Variants in PLOD1 observed in about 807,000 individuals in gnomAD.
PLOD1 encodes the protein lysine hydroxylase.
A neutral mutation model predicts 94.7 loss-of-function variants in PLOD1; 70 were observed. The observed-to-expected ratio is 0.74, with a 90% CI of 0.61 to 0.90. The LOEUF (loss-of-function observed/expected upper bound fraction) is 0.90. PLOD1 is among the 40% of genes least tolerant of loss of function. The pLI is 0.00. For missense variants in PLOD1, 905 were observed against 972.7 expected (o/e 0.93, Z 0.93); for synonymous variants, 417 against 400.2 (o/e 1.04, Z -0.50).
At chr1:11,936,493 G>A (rs1343237189) in intron 1 of PLOD1, among the ~76,000 whole-genome samples, 1 of 151,742 alleles carries the variant, frequency 6.6e-6, no homozygotes, top group Non-Finnish European at 1.5e-5. Context: ...CTTTGGGTCA[G>A]GAATGGGAAC....
chr1:11,949,804 A>G lies in PLOD1; in HGVS notation c.200A>G (p.Glu67Gly), dbSNP rs756553633. Reference protein sequence around the residue: ...ALGLGEDWNVEKGTSAGGGQK... With the variant: ...ALGLGEDWNVGKGTSAGGGQK... Reference sequence around the variant, plus strand: ...GGCCTAGGGGAGGACTGGAATGTGGAGAAGGGGACGTCGGCAGGTGGAGGG... The same window carrying G: ...GGCCTAGGGGAGGACTGGAATGTGGGGAAGGGGACGTCGGCAGGTGGAGGG... The change falls in exon 3 of 19, where the codon GAG becomes GGG. Residue 67 changes from glutamate (E) to glycine (G), a missense_variant. Glu to Gly is a moderately conservative substitution (Grantham distance 98). Coordinates refer to ENST00000196061, the MANE Select transcript of PLOD1 (RefSeq NM_000302.4). The G allele has an allele frequency of 4.0e-5, 65 of 1,613,878 alleles. No individual in the cohort carries two copies. Among genetic ancestry groups the G allele is most frequent in the Non-Finnish European group, 4.9e-5 (58 of 1,179,938 alleles).
In PLOD1 at chr1:11,960,646, G is replaced by A. The variant is rs1280562264; in HGVS notation, c.976G>A (p.Glu326Lys). 3 of 1,611,300 alleles carry A rather than the reference G, an allele frequency of 1.9e-6. No individual in the cohort carries two copies. The Admixed American group carries it at 5.0e-5, about 27-fold the overall frequency. Residue 326 changes from glutamate to lysine, a missense_variant and splice_region_variant, in exon 10 of 19, where the codon GAG becomes AAG. Transcript: ENST00000196061. ...TCCCCTTCCCCATCCCCAACCCCAG[G>A]AGCAGCACCACAAGGCTCAGGTGGA... ...KHMRLFIHNH[E>K]QHHKAQVEEF...
At chr1:11,967,615 AAAAAGAAATATATATAGATTTTATT>A (rs1645829611) in intron 16 of PLOD1, among the ~76,000 whole-genome samples, 12 of 103,846 alleles carry the variant, frequency 1.2e-4, no homozygotes, top group South Asian at 7.8e-4. Flanking sequence ...ATATATATAT[AAAAAGAAATATATATAGATTTTATT>A]TATATATATA....
chr1:11,946,568 G>A (rs551805908), intron 1 of PLOD1, among the ~76,000 whole-genome samples: 2 of 152,314 alleles, frequency 1.3e-5, no homozygotes, highest in African/African-American at 4.8e-5. Context: ...GGTATGGAGA[G>A]CAGGGACCTG....
chr1:11,949,945 G>A lies in PLOD1; in HGVS notation c.302+39G>A, dbSNP rs747285387. Reference sequence around the variant, plus strand: ...GGCTTCCTAGCCTGGGCCCCTCCGCGGAAGATAGAAGAATATTCTAAAATG... The same window carrying A: ...GGCTTCCTAGCCTGGGCCCCTCCGCAGAAGATAGAAGAATATTCTAAAATG... On this transcript the variant is annotated intron_variant, in intron 3 of 18. Coordinates refer to ENST00000196061, the MANE Select transcript of PLOD1 (RefSeq NM_000302.4). 6.9e-6 allele frequency: 11 copies of A among 1,604,802 alleles called. No individual in the cohort carries two copies. In the Admixed American group the frequency reaches 1.2e-4, roughly 17 times the overall value.
intron 9 of PLOD1, 30 bp from the exon 10 acceptor site, chr1:11,960,616 C>T: frequency 6.8e-7 from 1 of 1,479,286 alleles, no homozygotes; most frequent in South Asian, 1.1e-5. Context: ...CTCCTCACCC[C>T]CGCATCCCCT....
chr1:11,952,873 C>A, intron 5 of PLOD1, 138 bp downstream of exon 5: 1 of 634,994 alleles, frequency 1.6e-6, no homozygotes, highest in South Asian at 1.7e-5. Context: ...CTGCCATAGG[C>A]TGGGTGGCTC....
rs1175110431 is a variant in PLOD1 at position 11,958,239 on chromosome 1, A to G, written c.844-277A>G. On this transcript the variant is annotated intron_variant, in intron 8 of 18. Coordinates refer to ENST00000196061, the MANE Select transcript of PLOD1 (RefSeq NM_000302.4). This position sits in a 1 kb window ranked among gnomAD's most constrained non-coding sequence, Gnocchi z 4.3. ...TGAACCTCATCCTCATTTATGACTC[A>G]CCTCGAACACCACGCCAGCCACGAT... Among the ~76,000 whole-genome samples, 1 of 151,098 alleles carries G rather than the reference A, an allele frequency of 6.6e-6. No homozygotes were observed. Among genetic ancestry groups the G allele is most frequent in the Non-Finnish European group, 1.5e-5 (1 of 67,876 alleles).
chr1:11,974,876 C>G lies in PLOD1; in HGVS notation c.*68C>G. On this transcript the variant is annotated 3_prime_UTR_variant, in exon 19 of 19. Transcript: ENST00000196061. ...AACCACTGCCCAGCAGCCTCTGGGACCTCGGGGTCCCAGGGAACCCAGTCC... is the reference window on the plus strand; with the variant it reads ...AACCACTGCCCAGCAGCCTCTGGGAGCTCGGGGTCCCAGGGAACCCAGTCC... The G allele has an allele frequency of 6.5e-7, 1 of 1,528,888 alleles. No homozygotes were observed. The highest frequency in any genetic ancestry group is 1.1e-5 in the South Asian group (1 of 89,350). 94.7% of individuals were successfully genotyped at this position (1,528,888 alleles called of 1,614,324 possible).
chr1:11,947,636 T>C (rs968275256), intron 1 of PLOD1, among the ~76,000 whole-genome samples: 1 of 152,198 alleles, frequency 6.6e-6, no homozygotes, highest in East Asian at 1.9e-4. Flanking sequence ...ACCAAGGAGA[T>C]GGCACCAAGC....
intron 1 of PLOD1, among the ~76,000 whole-genome samples, chr1:11,939,359 T>A (rs1227671332): frequency 1.4e-5 from 2 of 148,094 alleles, no homozygotes; most frequent in Non-Finnish European, 3.0e-5. Context: ...GGATGAAGGA[T>A]GGGGGAGGGG....
intron 18 of PLOD1, among the ~76,000 whole-genome samples, chr1:11,973,580 C>CTTTT (rs976516109): frequency 1.1e-4 from 16 of 148,094 alleles, no homozygotes; most frequent in African/African-American, 2.5e-4. Context: ...AGCTATAATC[C>CTTTT]TTTTTTTTTT....
chr1:11,944,827 G>A (rs973700751), intron 1 of PLOD1, among the ~76,000 whole-genome samples: 5 of 152,114 alleles, frequency 3.3e-5, no homozygotes, highest in Non-Finnish European at 7.4e-5. Flanking sequence ...CCCCTGCCCC[G>A]CCAGCTCTGG....
chr1:11,937,128 G>A (rs770620633), intron 1 of PLOD1, among the ~76,000 whole-genome samples: 1 of 152,166 alleles, frequency 6.6e-6, no homozygotes, highest in Non-Finnish European at 1.5e-5. Context: ...GATTACAGGC[G>A]TGAGCCACCG....
intron 13 of PLOD1, among the ~76,000 whole-genome samples, chr1:11,965,101 G>A (rs995748621): frequency 1.3e-5 from 2 of 151,380 alleles, no homozygotes; most frequent in Non-Finnish European, 2.9e-5. Context: ...TGATGTGCCC[G>A]AGAGACACCT....
At chr1:11,942,771 T>G (rs1645623576) in intron 1 of PLOD1, among the ~76,000 whole-genome samples, 1 of 152,096 alleles carries the variant, frequency 6.6e-6, no homozygotes, top group African/African-American at 2.4e-5. Context: ...AGAAATCACC[T>G]GGGAAAGGTA....
intron 1 of PLOD1, 63 bp downstream of exon 1, chr1:11,934,918 C>A: frequency 6.6e-7 from 1 of 1,507,114 alleles, no homozygotes; most frequent in East Asian, 2.6e-5. Context: ...TGTCGGGCTG[C>A]CTCCCTGGGA....
chr1:11,962,176 C>T (rs1483717317), intron 10 of PLOD1, among the ~76,000 whole-genome samples: 3 of 152,008 alleles, frequency 2.0e-5, no homozygotes, highest in African/African-American at 7.2e-5. Context: ...GTTATCCTCC[C>T]GTCTCAGCCT....
rs1645566904 is a variant in PLOD1, at chr1:11,934,846, A to G, written c.67A>G (p.Lys23Glu). The G allele has an allele frequency of 5.2e-6, 8 of 1,539,010 alleles. No homozygotes were observed. The highest frequency in any genetic ancestry group is 7.0e-6 in the Non-Finnish European group (8 of 1,145,494). ...LLLAEAKGDA[K>E]PEDNLLVLTV... ...GCTGGCCGAAGCGAAGGGCGACGCC[A>G]AGCCGGAGGGTGAGGGAGCGAAGGC... is the stretch of plus-strand genomic sequence containing the variant. The change falls in exon 1 of 19, where the codon AAG (lysine) becomes GAG (glutamate). Residue 23 changes from lysine (K) to glutamate (E), a missense_variant. Transcript: ENST00000196061.
Sources: gnomAD v4.1 joint callset for allele counts (sites outside exome capture counted in the v4.1 genomes callset) on GRCh38, gnomAD v4.1.1 for gene constraint, Gnocchi (gnomAD v3.1) non-coding constraint, MANE v1.5 for transcripts, NCBI Gene and HGNC (gene_info 2026-07-23, HGNC 2026-07-21) for gene names.